HHAT: variants seen among roughly 807,000 people sequenced by gnomAD.
HHAT encodes hedgehog acyltransferase.
A neutral mutation model predicts 70.8 loss-of-function variants in HHAT; 47 were observed. The ratio of observed to expected loss-of-function variants is 0.66; its 90% CI spans 0.53 to 0.85. The LOEUF (loss-of-function observed/expected upper bound fraction) is 0.85, where lower values mean the gene tolerates loss of function less well. Ranked by LOEUF, HHAT falls within the 40% of genes least tolerant of loss-of-function variation. The pLI, the probability that HHAT is intolerant of heterozygous loss-of-function variation, is 0.00. For missense variants in HHAT, 609 were observed against 604.8 expected, an observed-to-expected ratio of 1.01 and a Z score of -0.07; for synonymous variants, 228 against 247.6, an observed-to-expected ratio of 0.92 and a Z score of 0.74.
At chr1:210,496,010 C>CAACAAAA (rs2094632903) in intron 8 of HHAT, among the ~76,000 whole-genome samples, 1 of 67,960 alleles carries the variant, frequency 1.5e-5, no homozygotes, top group African/African-American at 6.8e-5. Context: ...AACTCTATCT[C>CAACAAAA]AAAAAAAAAA....
At chr1:210,342,814 T>A (rs2147945956) in intron 1 of HHAT, among the ~76,000 whole-genome samples, 1 of 152,326 alleles carries the variant, frequency 6.6e-6, no homozygotes, top group East Asian at 1.9e-4. Flanking sequence ...CTGGACATTT[T>A]AAAAAGGTTC....
At chr1:210,542,893 T>C (rs1474054156) in intron 9 of HHAT, among the ~76,000 whole-genome samples, 2 of 152,188 alleles carry the variant, frequency 1.3e-5, no homozygotes, top group Non-Finnish European at 2.9e-5. Flanking sequence ...TATGTGTCTG[T>C]ATATATTTTG....
At chr1:210,660,451 G>A (rs1279435657) in intron 11 of HHAT, among the ~76,000 whole-genome samples, 1 of 152,178 alleles carries the variant, frequency 6.6e-6, no homozygotes, top group Non-Finnish European at 1.5e-5. Context: ...CATGCTCATG[G>A]ATAGGAAGAA....
At chr1:210,343,055 G>C (rs1172435398) in intron 1 of HHAT, among the ~76,000 whole-genome samples, 3 of 152,116 alleles carry the variant, frequency 2.0e-5, no homozygotes, top group Non-Finnish European at 4.4e-5. Flanking sequence ...ACAGCAAACT[G>C]TTTCTCATGA....
At chr1:210,524,008 A>T (rs2095204774) in intron 9 of HHAT, among the ~76,000 whole-genome samples, 1 of 152,244 alleles carries the variant, frequency 6.6e-6, no homozygotes, top group South Asian at 2.1e-4. Context: ...GAAGAACGAG[A>T]ACTGCATGAA....
chr1:210,377,496 A>G (rs2090318936), intron 3 of HHAT, among the ~76,000 whole-genome samples: 1 of 152,188 alleles, frequency 6.6e-6, no homozygotes, highest in Non-Finnish European at 1.5e-5. Flanking sequence ...TATGGCATAG[A>G]CAGAGCAGGG....
chr1:210,449,155 A>C (rs1306719112), intron 7 of HHAT, among the ~76,000 whole-genome samples: 1 of 151,858 alleles, frequency 6.6e-6, no homozygotes, highest in Non-Finnish European at 1.5e-5. Flanking sequence ...TGGTGGTCGG[A>C]CCTCCCGGGT....
chr1:210,419,250 C>A (rs569972370), intron 7 of HHAT, among the ~76,000 whole-genome samples: 1 of 152,220 alleles, frequency 6.6e-6, no homozygotes, highest in African/African-American at 2.4e-5. Context: ...GAATAAATGG[C>A]GTGTGTGTAT....
At chr1:210,663,390 T>C (rs932661095) in intron 11 of HHAT, among the ~76,000 whole-genome samples, 1 of 152,192 alleles carries the variant, frequency 6.6e-6, no homozygotes, top group Non-Finnish European at 1.5e-5. Context: ...CCATGTGACC[T>C]GAAGCAAGCT....
chr1:210,391,977 C>T (rs1371716808), intron 4 of HHAT, among the ~76,000 whole-genome samples: 8 of 152,148 alleles, frequency 5.3e-5, no homozygotes. Context: ...TCAAGCAATC[C>T]TCCTGCCTCA....
chr1:210,440,468 G>T (rs144059788), intron 7 of HHAT, among the ~76,000 whole-genome samples: 1 of 151,860 alleles, frequency 6.6e-6, no homozygotes, highest in East Asian at 1.9e-4. Flanking sequence ...CCCCAGAAAG[G>T]CTTGGGTGAG....
intron 5 of HHAT, among the ~76,000 whole-genome samples, chr1:210,404,236 C>T (rs1386097494): frequency 1.3e-5 from 2 of 152,240 alleles, no homozygotes; most frequent in South Asian, 4.1e-4. Flanking sequence ...GTCCTTTTTC[C>T]TACTGCTCAT....
intron 9 of HHAT, among the ~76,000 whole-genome samples, chr1:210,568,780 C>G (rs1655394153): frequency 6.6e-6 from 1 of 152,116 alleles, no homozygotes. Context: ...TGAAGTGTTT[C>G]CATTTGATTT....
chr1:210,452,531 T>G (rs1384654743), intron 7 of HHAT, among the ~76,000 whole-genome samples: 1 of 152,254 alleles, frequency 6.6e-6, no homozygotes, highest in Non-Finnish European at 1.5e-5. Context: ...AAATCCCAGA[T>G]ATCTTATTAT....
chr1:210,329,035 GAA>G lies in HHAT; in HGVS notation c.-111_-110del, dbSNP rs2084746224. ...GATGTCGCTGGGACTCGGAAGTGCC[GAA>G]AGAGGGGTGTTGGGAACTCGCGGCG... On this transcript the variant is annotated 5_prime_UTR_variant, in exon 1 of 12. It introduces an in-frame stop codon into an upstream open reading frame of the 5' UTR. Coordinates refer to ENST00000261458, the MANE Select transcript of HHAT (RefSeq NM_018194.6). The G allele has an allele frequency of 7.0e-7, 1 of 1,425,852 alleles. No individual in the cohort carries two copies. Among genetic ancestry groups the G allele is most frequent in the African/African-American group, 1.5e-5 (1 of 67,442 alleles). 88.3% of individuals were successfully genotyped at this position (1,425,852 alleles called of 1,614,324 possible).
intron 9 of HHAT, among the ~76,000 whole-genome samples, chr1:210,545,889 TA>T (rs1558134573): frequency 6.6e-6 from 1 of 152,224 alleles, no homozygotes; most frequent in East Asian, 1.9e-4. Context: ...TGTTGGACTG[TA>T]AGCTCCATTA....
intron 11 of HHAT, among the ~76,000 whole-genome samples, chr1:210,673,319 C>T (rs1425073031): frequency 2.6e-5 from 4 of 151,874 alleles, no homozygotes. Flanking sequence ...GGGCTCAGAG[C>T]TCCTATTAGT....
chr1:210,485,167 C>T (rs1422098159), intron 8 of HHAT, among the ~76,000 whole-genome samples: 2 of 152,116 alleles, frequency 1.3e-5, no homozygotes, highest in African/African-American at 4.8e-5. Context: ...GAGCTCAGGC[C>T]TCCCCTTCCC....
intron 10 of HHAT, among the ~76,000 whole-genome samples, chr1:210,620,989 C>T (rs1198007503): frequency 6.6e-6 from 1 of 151,706 alleles, no homozygotes; most frequent in Non-Finnish European, 1.5e-5. Context: ...ACGGTAGGAG[C>T]TGGGGCCTCA....
Sources: gnomAD v4.1 joint callset for allele counts (sites outside exome capture counted in the v4.1 genomes callset) on GRCh38, gnomAD v4.1.1 for gene constraint, MANE v1.5 for transcripts, NCBI Gene and HGNC (gene_info 2026-07-23, HGNC 2026-07-21) for gene names.